ADAMTSL1: variants seen among roughly 807,000 people sequenced by gnomAD.
ADAMTSL1 encodes ADAMTS like 1.
ADAMTSL1 carries 126 observed loss-of-function variants against 201.8 expected under a neutral mutation model. The ratio of observed to expected loss-of-function variants is 0.62; its 90% confidence interval spans 0.54 to 0.72. The LOEUF (loss-of-function observed/expected upper bound fraction) is 0.72, where lower values mean the gene tolerates loss of function less well. ADAMTSL1 is among the 30% of genes least tolerant of loss of function. The pLI, the probability that ADAMTSL1 is intolerant of heterozygous loss-of-function variation, is 0.00. For synonymous variants in ADAMTSL1, 1,121 were observed against 903.4 expected (o/e 1.24, Z -4.32); for missense variants, 2,679 against 2,277.8 (o/e 1.18, Z -3.59).
At chr9:18,281,472 C>T (rs760739100) in intron 2 of ADAMTSL1, among the ~76,000 whole-genome samples, 6 of 152,122 alleles carry the variant, frequency 3.9e-5, no homozygotes, top group Non-Finnish European at 5.9e-5. Flanking sequence ...CATGAAGCTT[C>T]GGTACAGTCT....
intron 13 of ADAMTSL1, among the ~76,000 whole-genome samples, chr9:18,685,994 C>G (rs1475044361): frequency 6.6e-6 from 1 of 152,026 alleles, no homozygotes; most frequent in Non-Finnish European, 1.5e-5. Context: ...TCATAACTCA[C>G]TGCAGCTTTC....
intron 1 of ADAMTSL1, among the ~76,000 whole-genome samples, chr9:17,936,783 T>G (rs1212878487): frequency 6.6e-6 from 1 of 152,166 alleles, no homozygotes; most frequent in Non-Finnish European, 1.5e-5. Context: ...TGCCAGAAAT[T>G]GGCCTGCTTT....
chr9:18,685,924 ATTT>A (rs571372281), intron 13 of ADAMTSL1, among the ~76,000 whole-genome samples: 1 of 145,272 alleles, frequency 6.9e-6, no homozygotes, highest in African/African-American at 2.5e-5. Flanking sequence ...TTTTTTCCCT[ATTT>A]TTTTTTTTTG....
At chr9:18,784,501 G>C (rs1375948956) in intron 19 of ADAMTSL1, among the ~76,000 whole-genome samples, 1 of 152,204 alleles carries the variant, frequency 6.6e-6, no homozygotes, top group Non-Finnish European at 1.5e-5. Flanking sequence ...CTATGCCATT[G>C]TGGAAGAGTT....
At chr9:18,780,273 G>T (rs80012083) in intron 19 of ADAMTSL1, among the ~76,000 whole-genome samples, 2,962 of 152,264 alleles carry the variant, frequency 0.019, 52 homozygotes, top group Non-Finnish European at 0.032. Context: ...TAAATGAGGA[G>T]ACTGTACCAT....
chr9:18,359,500 ATGG>A lies in ADAMTSL1; in HGVS notation c.208-145324_208-145322del, dbSNP rs374225515. Among the ~76,000 whole-genome samples the A allele has an allele frequency of 4.2e-4, 64 of 152,272 alleles. No homozygotes were observed. In the East Asian group the frequency reaches 6.2e-3, roughly 15 times the overall value. Reference sequence around the variant, plus strand: ...TGTTTGACCCAAAAGATGGTTACTAATGGTGGTTTCTTTACTCACCAGGAAGAT... The same window carrying A: ...TGTTTGACCCAAAAGATGGTTACTAATGGTTTCTTTACTCACCAGGAAGAT... On this transcript the variant is annotated intron_variant, in intron 2 of 29. Coordinates refer to the ADAMTSL1 transcript ENST00000680146.
chr9:18,586,110 G>T (rs1823471434), intron 4 of ADAMTSL1, among the ~76,000 whole-genome samples: 1 of 152,010 alleles, frequency 6.6e-6, no homozygotes, highest in Middle Eastern at 3.2e-3. Flanking sequence ...AAGAGAAAAA[G>T]ATAAAAAGCA....
At chr9:18,594,207 G>A (rs1468050954) in intron 4 of ADAMTSL1, among the ~76,000 whole-genome samples, 1 of 151,884 alleles carries the variant, frequency 6.6e-6, no homozygotes, top group Non-Finnish European at 1.5e-5. Context: ...CTGGCCTGTA[G>A]GGTTTCTAAG....
chr9:18,167,839 A>G (rs770893349), intron 2 of ADAMTSL1, among the ~76,000 whole-genome samples: 1 of 151,710 alleles, frequency 6.6e-6, no homozygotes, highest in Non-Finnish European at 1.5e-5. Context: ...TAGAATATTT[A>G]GTGGACATAA....
At chr9:18,728,708 A>G (rs1818045239) in intron 15 of ADAMTSL1, among the ~76,000 whole-genome samples, 1 of 152,246 alleles carries the variant, frequency 6.6e-6, no homozygotes, top group Non-Finnish European at 1.5e-5. Flanking sequence ...GGAGTTATCC[A>G]AATGAAGAAG....
At chr9:18,454,488 C>G (rs1041586911) in intron 2 of ADAMTSL1, among the ~76,000 whole-genome samples, 1 of 152,120 alleles carries the variant, frequency 6.6e-6, no homozygotes, top group Admixed American at 6.6e-5. Context: ...TCCAGGTACT[C>G]CTTAATCCAG....
At chr9:18,677,510 C>T (rs1169685149) in intron 10 of ADAMTSL1, among the ~76,000 whole-genome samples, 2 of 152,018 alleles carry the variant, frequency 1.3e-5, no homozygotes, top group African/African-American at 4.8e-5. Flanking sequence ...CCATACATTT[C>T]ATTATTTCAA....
intron 1 of ADAMTSL1, among the ~76,000 whole-genome samples, chr9:18,051,819 G>A (rs1454891426): frequency 6.6e-6 from 1 of 152,122 alleles, no homozygotes; most frequent in Non-Finnish European, 1.5e-5. Context: ...TACCTTGTCT[G>A]CTTAAACAGA....
intron 3 of ADAMTSL1, among the ~76,000 whole-genome samples, chr9:18,557,060 C>T (rs1343546268): frequency 1.3e-5 from 2 of 151,928 alleles, no homozygotes; most frequent in African/African-American, 4.8e-5. Flanking sequence ...TAAACTCTTT[C>T]CATGGTTTTG....
At chr9:18,716,299 C>T (rs1832924637) in intron 14 of ADAMTSL1, among the ~76,000 whole-genome samples, 1 of 151,708 alleles carries the variant, frequency 6.6e-6, no homozygotes, top group African/African-American at 2.4e-5. Context: ...AGTGAACAGG[C>T]AACCTACAAA....
intron 1 of ADAMTSL1, among the ~76,000 whole-genome samples, chr9:17,937,394 G>T (rs186309095): frequency 1.3e-5 from 2 of 152,036 alleles, no homozygotes; most frequent in East Asian, 3.9e-4. Context: ...CACTGCACAC[G>T]TTCTCTCTGC....
chr9:18,904,930 C>T (rs1176150218), intron 26 of ADAMTSL1, among the ~76,000 whole-genome samples: 3 of 151,770 alleles, frequency 2.0e-5, no homozygotes, highest in Non-Finnish European at 4.4e-5. Context: ...CCTCTGAGTA[C>T]TTGATGAAAG....
At chr9:17,980,316 A>AC (rs1818635133) in intron 1 of ADAMTSL1, among the ~76,000 whole-genome samples, 2 of 150,936 alleles carry the variant, frequency 1.3e-5, no homozygotes, top group Admixed American at 6.6e-5. Context: ...TGCTGACATT[A>AC]CCCCCCACCA....
rs557193365 is a variant in ADAMTSL1, at chr9:18,768,564, G to A, written c.2218-2038G>A. 4.7e-5 allele frequency among the ~76,000 whole-genome samples: 7 copies of A among 149,230 alleles called. No individual in the cohort carries two copies. The South Asian group carries it at 6.4e-4, about 14-fold the overall frequency. ...TTCAATGGGTAGGTAGTTGATCCCA[G>A]CACTAAGAAAATACATCCTTTTTCC... On this transcript the variant is annotated intron_variant, in intron 16 of 28. Coordinates refer to ENST00000380548, the MANE Select transcript of ADAMTSL1 (RefSeq NM_001040272.6).
Sources: gnomAD v4.1 joint callset for allele counts (sites outside exome capture counted in the v4.1 genomes callset) on GRCh38, gnomAD v4.1.1 for gene constraint, MANE v1.5 for transcripts, NCBI Gene and HGNC (gene_info 2026-07-23, HGNC 2026-07-21) for gene names.